BDKRB2: variants seen among roughly 807,000 people sequenced by gnomAD.
BDKRB2 encodes B2 bradykinin receptor.
Under a neutral mutation model 4.0 loss-of-function variants are expected in BDKRB2, and 6 were observed. The observed-to-expected ratio is 1.49, with a 90% CI of 0.81 to 2.93. BDKRB2 has a LOEUF of 2.93. Ranked by LOEUF, BDKRB2 falls within the 30% of genes most tolerant of loss-of-function variation. The pLI is 0.00. For synonymous variants in BDKRB2, 225 were observed against 215.3 expected (o/e 1.05, Z -0.40); for missense variants, 478 against 520.1 (o/e 0.92, Z 0.79).
chr14:96,210,311 G>C (rs756709226), intron 1 of BDKRB2, among the ~76,000 whole-genome samples: 4 of 152,190 alleles, frequency 2.6e-5, no homozygotes, highest in Non-Finnish European at 4.4e-5. Context: ...CTTTGGCTTA[G>C]TGCGTTTGGG....
At chr14:96,215,504 G>T (rs1890398345) in intron 1 of BDKRB2, among the ~76,000 whole-genome samples, 1 of 151,920 alleles carries the variant, frequency 6.6e-6, no homozygotes, top group African/African-American at 2.4e-5. Context: ...AAGGTTCTGG[G>T]TTTTCTTCAC....
At chr14:96,215,770 A>G (rs1240638260) in intron 1 of BDKRB2, among the ~76,000 whole-genome samples, 1 of 152,224 alleles carries the variant, frequency 6.6e-6, no homozygotes, top group Admixed American at 6.5e-5. Flanking sequence ...CATCAGATGC[A>G]ATTTCTTATT....
chr14:96,206,184 T>C, intron 1 of BDKRB2, among the ~76,000 whole-genome samples: 1 of 152,162 alleles, frequency 6.6e-6, no homozygotes, highest in East Asian at 1.9e-4. Context: ...CCCCACAAGC[T>C]TGGAGGAAGC....
chr14:96,234,363 C>A (rs1053300736), intron 1 of BDKRB2, among the ~76,000 whole-genome samples: 1 of 152,170 alleles, frequency 6.6e-6, no homozygotes, highest in Non-Finnish European at 1.5e-5. Context: ...AGCATAAAGG[C>A]CCCCAAGAGA....
At chr14:96,217,306 T>G (rs2139774194) in intron 1 of BDKRB2, among the ~76,000 whole-genome samples, 1 of 152,324 alleles carries the variant, frequency 6.6e-6, no homozygotes, top group African/African-American at 2.4e-5. Flanking sequence ...ACTACAATGG[T>G]GAGGCCCACC....
rs1485208088 is a variant in BDKRB2 at position 96,237,442 on chromosome 14, T to C, written c.74+261T>C. 2.0e-5 allele frequency among the ~76,000 whole-genome samples: 3 copies of C among 152,190 alleles called. No individual in the cohort carries two copies. In the East Asian group the frequency reaches 5.8e-4, roughly 29 times the overall value. On this transcript the variant is annotated intron_variant, in intron 2 of 2. Transcript: ENST00000554311. ...GTTGTCATATGTGATCTATCCCAGA[T>C]GAACTTGGAAGTGAAGGGAAGAGAG...
chr14:96,237,979 G>A (rs1890977275), intron 2 of BDKRB2: 4 of 1,184,398 alleles, frequency 3.4e-6, no homozygotes, highest in Admixed American at 3.5e-5. Context: ...TGCAGGAAAT[G>A]GGTTTTCTGT....
rs1015541404 is a variant in BDKRB2 at position 96,207,773 on chromosome 14, T to TA, written c.-40+2825dup. On this transcript the variant is annotated intron_variant, in intron 1 of 2. Coordinates refer to ENST00000554311, the MANE Select transcript of BDKRB2 (RefSeq NM_001379692.1). ...TTGCTGTGAATCTAAAACTGCTCTT[T>TA]AAAAAAAAAAAGGCACACAGAGCAG... is the stretch of plus-strand genomic sequence containing the variant. Among the ~76,000 whole-genome samples the TA allele has an allele frequency of 9.1e-4, 133 of 145,686 alleles. 1 individual carries two copies. Among genetic ancestry groups the TA allele is most frequent in the East Asian group, 2.8e-3 (14 of 5,084 alleles).
chr14:96,213,158 G>C (rs1466294857), intron 1 of BDKRB2, among the ~76,000 whole-genome samples: 2 of 152,142 alleles, frequency 1.3e-5, no homozygotes, highest in African/African-American at 4.8e-5. Flanking sequence ...CTACTGCTGT[G>C]CCAACACAAT....
At chr14:96,235,732 G>C (rs1890916564) in intron 1 of BDKRB2, among the ~76,000 whole-genome samples, 1 of 152,116 alleles carries the variant, frequency 6.6e-6, no homozygotes, top group Non-Finnish European at 1.5e-5. Flanking sequence ...CAGGTGCCGG[G>C]TGTTGCAGAG....
chr14:96,241,714 G>A lies in BDKRB2; in HGVS notation c.*210G>A. 1.4e-6 allele frequency: 1 copy of A among 721,670 alleles called. No homozygotes were observed. The highest frequency in any genetic ancestry group is 2.0e-6 in the Non-Finnish European group (1 of 494,516). The allele number at this position is 721,670 out of a possible 1,614,324, so 44.7% of individuals were successfully genotyped here. ...ATGGGGTGAACTCACGCACAGCCAAGGACTCCAAAATCACAACAGCATTAC... is the reference window on the plus strand; with the variant it reads ...ATGGGGTGAACTCACGCACAGCCAAAGACTCCAAAATCACAACAGCATTAC... On this transcript the variant is annotated 3_prime_UTR_variant, in exon 3 of 3. Transcript: ENST00000554311.
chr14:96,210,019 C>CATA (rs1566687061), intron 1 of BDKRB2, among the ~76,000 whole-genome samples: 1 of 123,824 alleles, frequency 8.1e-6, no homozygotes, highest in Non-Finnish European at 1.8e-5. Context: ...TAATAATAAT[C>CATA]ATCATCATCA....
At chr14:96,233,058 G>T (rs1451060716) in intron 1 of BDKRB2, among the ~76,000 whole-genome samples, 1 of 151,762 alleles carries the variant, frequency 6.6e-6, no homozygotes, top group Non-Finnish European at 1.5e-5. Context: ...ACAGAGTCTC[G>T]CTCTATAGCC....
At chr14:96,219,127 C>T (rs1427915445) in intron 1 of BDKRB2, among the ~76,000 whole-genome samples, 2 of 151,894 alleles carry the variant, frequency 1.3e-5, no homozygotes, top group Non-Finnish European at 2.9e-5. Flanking sequence ...CATGGCAAGA[C>T]CCTGTCTCTA....
At chr14:96,234,649 G>T (rs181628213) in intron 1 of BDKRB2, among the ~76,000 whole-genome samples, 23 of 152,290 alleles carry the variant, frequency 1.5e-4, no homozygotes, top group Admixed American at 1.4e-3. Context: ...TCCTCAACCC[G>T]CCTGCCCTCT....
In BDKRB2 at chr14:96,240,475, A is replaced by G. The variant is rs774382196; in HGVS notation, c.147A>G (p.Gln49=). 8 of 1,524,156 alleles carry G rather than the reference A, an allele frequency of 5.2e-6. No homozygotes were observed. The highest frequency in any genetic ancestry group is 7.0e-6 in the Non-Finnish European group (8 of 1,138,346). The allele number at this position is 1,524,156 out of a possible 1,614,324, so 94.4% of individuals were successfully genotyped here. ...CCTTTGCCCAGAGCAAATGCCCCCA[A>G]GTGGAGTGGCTGGGCTGGCTCAACA... ...NGTFAQSKCP[Q]VEWLGWLNTI... is the part of the protein sequence containing the mutation. Residue 49 remains glutamine, a synonymous_variant, in exon 3 of 3, where the codon CAA becomes CAG. Coordinates refer to ENST00000554311, the MANE Select transcript of BDKRB2 (RefSeq NM_001379692.1).
At chr14:96,227,318 C>T (rs930774321) in intron 1 of BDKRB2, among the ~76,000 whole-genome samples, 9 of 152,182 alleles carry the variant, frequency 5.9e-5, no homozygotes, top group Admixed American at 2.0e-4. Flanking sequence ...ACATTAACCC[C>T]ACAAAGTAGG....
In BDKRB2 at chr14:96,241,328, A is replaced by T; in HGVS notation, c.1000A>T (p.Ile334Phe). 1.2e-6 allele frequency: 2 copies of T among 1,614,032 alleles called. No homozygotes were observed. The highest frequency in any genetic ancestry group is 1.7e-6 in the Non-Finnish European group (2 of 1,179,964). The stretch of plus-strand genomic sequence containing the variant: ...CTGCCTCAACCCACTGGTGTACGTG[A>T]TCGTGGGCAAGCGCTTCCGAAAGAA... ...NSCLNPLVYV[I>F]VGKRFRKKSW... The change falls in exon 3 of 3, where the codon ATC becomes TTC. Residue 334 changes from isoleucine (I) to phenylalanine (F), a missense_variant. By Grantham distance (21) the Ile-to-Phe change is conservative (BLOSUM62 0). Transcript: ENST00000554311.
chr14:96,237,022 A>G (rs1890950770), intron 1 of BDKRB2, 47 bp from the exon 2 acceptor site: 2 of 1,157,700 alleles, frequency 1.7e-6, no homozygotes, highest in Non-Finnish European at 1.3e-6. Context: ...TGTATTTTGC[A>G]ATCCCCAGCC....
Sources: gnomAD v4.1 joint callset for allele counts (sites outside exome capture counted in the v4.1 genomes callset) on GRCh38, gnomAD v4.1.1 for gene constraint, MANE v1.5 for transcripts, NCBI Gene and HGNC (gene_info 2026-07-23, HGNC 2026-07-21) for gene names.